The following DPP10 variants were observed in gnomAD, a reference collection of about 807,000 sequenced individuals.
DPP10 encodes inactive dipeptidyl peptidase 10.
DPP10 carries 33 observed loss-of-function variants against 120.9 expected under a neutral mutation model. The ratio of observed to expected loss-of-function variants is 0.27; its 90% CI spans 0.21 to 0.37. The LOEUF (loss-of-function observed/expected upper bound fraction) is 0.37. DPP10 is among the 10% of genes least tolerant of loss of function. DPP10 has a pLI of 1.00. For missense variants in DPP10, 816 were observed against 942.8 expected (o/e 0.87, Z 1.76); for synonymous variants, 337 against 326.1 (o/e 1.03, Z -0.36).
chr2:114,662,522 C>T (rs1051938065), intron 1 of DPP10, among the ~76,000 whole-genome samples: 5 of 152,090 alleles, frequency 3.3e-5, no homozygotes, highest in Non-Finnish European at 5.9e-5. Context: ...GCGACCACTA[C>T]AAGACAACGT....
Position 114,586,021 on chromosome 2 carries a change from G to A in DPP10, c.60+143183G>A, listed in dbSNP as rs184692829. Among the ~76,000 whole-genome samples the A allele has an allele frequency of 2.3e-4, 35 of 152,294 alleles. No homozygotes were observed. In the East Asian group the frequency reaches 6.6e-3, roughly 29 times the overall value. ...CCAGCCCTTTGGGAAGCTGAGGTGA[G>A]CAGATTGCTTGGGCTCAGGAGTTCG... On this transcript the variant is annotated intron_variant, in intron 1 of 25. Transcript: ENST00000410059.
intron 1 of DPP10, among the ~76,000 whole-genome samples, chr2:114,791,600 T>C (rs1017024766): frequency 1.3e-5 from 2 of 152,182 alleles, no homozygotes; most frequent in Non-Finnish European, 2.9e-5. Context: ...AAAAATCTTA[T>C]GTAAGAAGTC....
intron 1 of DPP10, among the ~76,000 whole-genome samples, chr2:114,983,117 A>G (rs999367781): frequency 3.9e-5 from 6 of 152,096 alleles, no homozygotes; most frequent in Admixed American, 1.3e-4. Context: ...TTGATTATTA[A>G]TTTTGCTTTT....
At chr2:114,988,431 T>C (rs1700559311) in intron 1 of DPP10, among the ~76,000 whole-genome samples, 1 of 152,218 alleles carries the variant, frequency 6.6e-6, no homozygotes, top group Non-Finnish European at 1.5e-5. Context: ...GCCAAGACTC[T>C]TCCTTCTGCT....
At chr2:115,637,575 A>C (rs1219407143) in intron 5 of DPP10, among the ~76,000 whole-genome samples, 1 of 152,190 alleles carries the variant, frequency 6.6e-6, no homozygotes, top group Non-Finnish European at 1.5e-5. Context: ...ATATATTGTT[A>C]GGAGAGCATT....
chr2:115,021,905 A>G (rs1703103789), intron 1 of DPP10, among the ~76,000 whole-genome samples: 2 of 152,170 alleles, frequency 1.3e-5, no homozygotes, highest in South Asian at 2.1e-4. Context: ...ATTAAAAACA[A>G]AAATCACATG....
chr2:114,792,466 A>G (rs929609889), intron 1 of DPP10, among the ~76,000 whole-genome samples: 1 of 152,242 alleles, frequency 6.6e-6, no homozygotes, highest in African/African-American at 2.4e-5. Context: ...GAACTATTCT[A>G]CAAAAAATAG....
At chr2:115,058,860 T>G (rs2105380012) in intron 1 of DPP10, among the ~76,000 whole-genome samples, 1 of 152,334 alleles carries the variant, frequency 6.6e-6, no homozygotes, top group East Asian at 1.9e-4. Flanking sequence ...TTTGTTTTTC[T>G]TGTCCCCAAA....
chr2:114,723,379 T>A (rs559370998), intron 1 of DPP10, among the ~76,000 whole-genome samples: 1 of 152,250 alleles, frequency 6.6e-6, no homozygotes, highest in South Asian at 2.1e-4. Context: ...AGCAAGGAGA[T>A]GATGGTAATT....
chr2:114,584,040 A>T (rs897825107), intron 1 of DPP10, among the ~76,000 whole-genome samples: 4 of 152,208 alleles, frequency 2.6e-5, no homozygotes, highest in African/African-American at 7.2e-5. Context: ...AAAAAGAACA[A>T]ACAGAAAGCA....
At chr2:115,573,756 G>A (rs965730159) in intron 5 of DPP10, among the ~76,000 whole-genome samples, 9 of 98 alleles carry the variant, frequency 0.092, no homozygotes, top group African/African-American at 0.19. Context: ...GGGTTTGGCC[G>A]TGTTGGCAGG....
intron 1 of DPP10, among the ~76,000 whole-genome samples, chr2:114,836,408 A>T (rs1489619860): frequency 6.6e-6 from 1 of 152,136 alleles, no homozygotes; most frequent in Non-Finnish European, 1.5e-5. Flanking sequence ...CTTCCGGGGG[A>T]GAAATCACAT....
rs1353987342 is a variant in DPP10 at position 115,842,313 on chromosome 2, G to T, written c.2359G>T (p.Val787Leu). 3.7e-6 allele frequency: 6 copies of T among 1,613,796 alleles called. No homozygotes were observed. The South Asian group carries it at 6.6e-5, about 18-fold the overall frequency. The stretch of plus-strand genomic sequence containing the variant: ...TGATTGTTTGAAGGAAGAAATATCT[G>T]TGCTACCACAGGAACCAGAAGAAGA... ...FSDCLKEEIS[V>L]LPQEPEEDE Residue 787 changes from valine to leucine, a missense_variant, in exon 26 of 26, where the codon GTG (valine) becomes TTG (leucine). By Grantham distance (32) the Val-to-Leu change is conservative (BLOSUM62 1). Coordinates refer to ENST00000410059, the MANE Select transcript of DPP10 (RefSeq NM_020868.6).
intron 1 of DPP10, among the ~76,000 whole-genome samples, chr2:114,692,422 A>C (rs892745815): frequency 6.6e-6 from 1 of 151,822 alleles, no homozygotes; most frequent in Non-Finnish European, 1.5e-5. Flanking sequence ...TTGAGTTCTA[A>C]TTTGGTTGTG....
At chr2:115,797,620 C>G (rs966875628) in intron 19 of DPP10, among the ~76,000 whole-genome samples, 1 of 151,868 alleles carries the variant, frequency 6.6e-6, no homozygotes, top group African/African-American at 2.4e-5. Context: ...AGAATGTACC[C>G]ACACTGTAAT....
At chr2:115,209,053 G>A (rs2056341131) in intron 1 of DPP10, among the ~76,000 whole-genome samples, 1 of 152,044 alleles carries the variant, frequency 6.6e-6, no homozygotes, top group African/African-American at 2.4e-5. Flanking sequence ...TAACTATTAA[G>A]TAGTGATGAC....
At chr2:115,637,569 ATT>A (rs1300694988) in intron 5 of DPP10, among the ~76,000 whole-genome samples, 34 of 152,334 alleles carry the variant, frequency 2.2e-4, no homozygotes, top group African/African-American at 6.7e-4. Flanking sequence ...AATGAAATAT[ATT>A]GTTAGGAGAG....
chr2:115,800,190 G>C (rs1324813506), intron 19 of DPP10, among the ~76,000 whole-genome samples: 1 of 151,794 alleles, frequency 6.6e-6, no homozygotes, highest in African/African-American at 2.4e-5. Flanking sequence ...GGCCAGTGAT[G>C]ATGAGCATTT....
chr2:114,740,501 G>GTATAA (rs70937302), intron 1 of DPP10, among the ~76,000 whole-genome samples: 21,009 of 150,510 alleles, frequency 0.14, 1,901 homozygotes, highest in African/African-American at 0.26. Context: ...AAAACTTAAA[G>GTATAA]TAATAATAAA....
Sources: allele counts gnomAD v4.1 joint callset (sites outside exome capture counted in the v4.1 genomes callset), GRCh38; gene constraint gnomAD v4.1.1; transcripts MANE v1.5; gene names NCBI Gene and HGNC (gene_info 2026-07-23, HGNC 2026-07-21).